Variants in TBL1X observed in about 807,000 individuals in gnomAD.
TBL1X encodes the protein F-box-like/WD repeat-containing protein TBL1X.
In TBL1X, 10 loss-of-function variants were observed where a neutral mutation model predicts 50.7. That is an observed-to-expected ratio of 0.20 (90% confidence interval 0.12 to 0.33). The LOEUF is 0.33. TBL1X is among the 10% of genes least tolerant of loss of function. The probability of loss-of-function intolerance (pLI) is 1.00; values close to 1 mark genes in which losing one functional copy is unlikely to be tolerated. For synonymous variants in TBL1X, 190 were observed against 214.7 expected (o/e 0.88, Z 1.01); for missense variants, 340 against 504.4 (o/e 0.67, Z 3.12).
At chrX:9,486,982 A>G (rs1257974672) in intron 1 of TBL1X, among the ~76,000 whole-genome samples, 1 of 111,763 alleles carries the variant, frequency 8.9e-6, no homozygotes, top group Non-Finnish European at 1.9e-5. Flanking sequence ...ACCTCAGTTC[A>G]TTCCTTTCAG....
intron 5 of TBL1X, among the ~76,000 whole-genome samples, chrX:9,681,553 G>A (rs182305497): frequency 8.0e-5 from 9 of 112,533 alleles, no homozygotes; most frequent in Non-Finnish European, 1.3e-4. Context: ...GTTTCACAGA[G>A]CATGTGACTG....
chrX:9,706,332 A>G (rs1158783886), intron 13 of TBL1X, among the ~76,000 whole-genome samples: 2 of 111,676 alleles, frequency 1.8e-5, no homozygotes, highest in African/African-American at 6.5e-5. Flanking sequence ...CTAAACCTAT[A>G]TGCGTGATGG....
At chrX:9,575,463 G>A (rs967045189) in intron 2 of TBL1X, among the ~76,000 whole-genome samples, 3 of 111,542 alleles carry the variant, frequency 2.7e-5, no homozygotes, top group Non-Finnish European at 5.6e-5. Flanking sequence ...TCACAACATA[G>A]GGACTTTTGT....
intron 1 of TBL1X, among the ~76,000 whole-genome samples, chrX:9,493,073 C>T (rs1182769777): frequency 9.0e-6 from 1 of 111,369 alleles, no homozygotes; most frequent in Non-Finnish European, 1.9e-5. Context: ...TATTTCCCTC[C>T]ACCTGCTTCT....
At chrX:9,553,436 A>G (rs192063434) in intron 2 of TBL1X, among the ~76,000 whole-genome samples, 201 of 112,102 alleles carry the variant, frequency 1.8e-3, no homozygotes, top group African/African-American at 6.4e-3. Context: ...AGAACCTAAG[A>G]GAGTGTGTCT....
At chrX:9,542,413 C>T (rs1351403299) in intron 2 of TBL1X, among the ~76,000 whole-genome samples, 1 of 111,490 alleles carries the variant, frequency 9.0e-6, no homozygotes, top group Non-Finnish European at 1.9e-5. Context: ...ACTCCTGGAC[C>T]ATATAGATAG....
intron 2 of TBL1X, among the ~76,000 whole-genome samples, chrX:9,567,835 C>T (rs1336094775): frequency 8.9e-6 from 1 of 112,209 alleles, no homozygotes; most frequent in Admixed American, 9.4e-5. Flanking sequence ...CCTGAGTTCT[C>T]CAGCCAACTC....
chrX:9,527,296 A>G (rs976639665), intron 2 of TBL1X, among the ~76,000 whole-genome samples: 2 of 111,885 alleles, frequency 1.8e-5, no homozygotes, highest in African/African-American at 6.5e-5. Flanking sequence ...TTGAGAGAGA[A>G]GGACAAGATG....
intron 2 of TBL1X, among the ~76,000 whole-genome samples, chrX:9,520,729 G>T (rs1054825175): frequency 1.8e-5 from 2 of 109,831 alleles, no homozygotes; most frequent in East Asian, 5.7e-4. Flanking sequence ...ACGTAGAACA[G>T]CACTTGACAG....
chrX:9,491,466 G>A (rs990809243), intron 1 of TBL1X, among the ~76,000 whole-genome samples: 6 of 104,496 alleles, frequency 5.7e-5, no homozygotes, highest in Non-Finnish European at 7.8e-5. Flanking sequence ...TCAGCCACCC[G>A]AGTAGCTGAG....
chrX:9,514,178 G>A (rs1410515344), intron 2 of TBL1X, among the ~76,000 whole-genome samples: 1 of 111,695 alleles, frequency 9.0e-6, no homozygotes, highest in African/African-American at 3.3e-5. Flanking sequence ...GGGTTACCTG[G>A]CACCAGAGTG....
chrX:9,502,812 C>T (rs1229474174), intron 2 of TBL1X, among the ~76,000 whole-genome samples: 2 of 112,312 alleles, frequency 1.8e-5, no homozygotes, highest in Middle Eastern at 4.2e-3. Context: ...TGCCCTCTGC[C>T]CTCTGGATGC....
intron 1 of TBL1X, among the ~76,000 whole-genome samples, chrX:9,469,912 C>G (rs2081802506): frequency 1.8e-5 from 2 of 112,763 alleles, no homozygotes; most frequent in Middle Eastern, 4.6e-3. Context: ...TGCCTCCTCT[C>G]TCTGATGACA....
chrX:9,708,310 C>T (rs1231750672), intron 13 of TBL1X, among the ~76,000 whole-genome samples: 2 of 112,397 alleles, frequency 1.8e-5, no homozygotes, highest in East Asian at 2.8e-4. Context: ...CTTTTCGCTA[C>T]CTGGCTGTGC....
intron 2 of TBL1X, among the ~76,000 whole-genome samples, chrX:9,612,276 A>T (rs1165273170): frequency 9.0e-6 from 1 of 111,578 alleles, no homozygotes; most frequent in East Asian, 2.8e-4. Flanking sequence ...CATGTGGCCT[A>T]AAAAACTGAA....
chrX:9,647,427 T>G (rs898516650), intron 3 of TBL1X, among the ~76,000 whole-genome samples: 2 of 111,670 alleles, frequency 1.8e-5, no homozygotes, highest in African/African-American at 3.3e-5. Flanking sequence ...CAATCACAAC[T>G]CCAAACACCT....
At chrX:9,555,861 T>C (rs146795485) in intron 2 of TBL1X, among the ~76,000 whole-genome samples, 121 of 111,388 alleles carry the variant, frequency 1.1e-3, no homozygotes, top group Non-Finnish European at 1.4e-3. Context: ...AACCGGCCTC[T>C]CAGAAAGATT....
intron 2 of TBL1X, among the ~76,000 whole-genome samples, chrX:9,633,866 CG>C (rs756145996): frequency 9.0e-6 from 1 of 111,584 alleles, no homozygotes; most frequent in African/African-American, 3.3e-5. Flanking sequence ...TTGAGCATGG[CG>C]TATCCTCATC....
chrX:9,702,074 T>G lies in TBL1X; in HGVS notation c.1115-2919T>G, dbSNP rs372440006. Among the ~76,000 whole-genome samples the G allele has an allele frequency of 7.2e-5, 8 of 111,152 alleles. 1 individual carries two copies. The East Asian group carries it at 1.4e-3, about 20-fold the overall frequency. On this transcript the variant is annotated intron_variant, in intron 12 of 17. Transcript: ENST00000645353. ...CTCTTATTTGAAGACCGAGGAAGAA[T>G]AGGGGCAATTGATGGTTAGTATTCA... is the stretch of plus-strand genomic sequence containing the variant.
Sources: gnomAD v4.1 joint callset for allele counts (sites outside exome capture counted in the v4.1 genomes callset) on GRCh38, gnomAD v4.1.1 for gene constraint, MANE v1.5 for transcripts, NCBI Gene and HGNC (gene_info 2026-07-23, HGNC 2026-07-21) for gene names.